MAP4K3: variants seen among roughly 807,000 people sequenced by gnomAD.
MAP4K3 encodes the protein mitogen-activated protein kinase kinase kinase kinase 3.
MAP4K3 carries 94 observed loss-of-function variants against 143.5 expected under a neutral mutation model. The observed-to-expected ratio is 0.65, with a 90% confidence interval of 0.55 to 0.78. The LOEUF (loss-of-function observed/expected upper bound fraction) is 0.78. Among genes scored for constraint, MAP4K3 ranks in the 30% least tolerant of loss-of-function variants. The pLI is 0.00. For missense variants in MAP4K3, 1,077 were observed against 1,068.1 expected, an observed-to-expected ratio of 1.01 and a Z score of -0.12; for synonymous variants, 416 against 347.2, an observed-to-expected ratio of 1.20 and a Z score of -2.20.
At chr2:39,328,623 T>C (rs1212139199) in intron 8 of MAP4K3, among the ~76,000 whole-genome samples, 1 of 152,174 alleles carries the variant, frequency 6.6e-6, no homozygotes, top group Non-Finnish European at 1.5e-5. Flanking sequence ...AGTGTCAATG[T>C]GTTCTGGTGG....
In MAP4K3 at chr2:39,315,321, G is replaced by A. The variant is rs1683075760; in HGVS notation, c.986C>T (p.Ser329Leu). ...SRNVREEKTR[S>L]EITFGQVKFD... Reference sequence around the variant, plus strand: ...TAGTATATACTTACAGGTTATCTCTGAGCGTGTTTTTTCTTCTCTCACGTT... The same window carrying A: ...TAGTATATACTTACAGGTTATCTCTAAGCGTGTTTTTTCTTCTCTCACGTT... Residue 329 changes from serine (S) to leucine (L), a missense_variant, in exon 13 of 34, where the codon TCA becomes TTA. This residue lies in a region of MAP4K3 where 864 missense variants were observed against 801.2 expected (regional missense o/e 1.08). Coordinates refer to ENST00000263881, the MANE Select transcript of MAP4K3 (RefSeq NM_003618.4). 1 of 1,602,082 alleles carries A rather than the reference G, an allele frequency of 6.2e-7. No individual in the cohort carries two copies. The highest frequency in any genetic ancestry group is 1.3e-5 in the African/African-American group (1 of 74,666).
At position 39,331,995 on chromosome 2, in the gene MAP4K3, A is replaced by T. The variant is rs561365504; in HGVS notation, c.458-6T>A. The T allele has an allele frequency of 4.7e-6, 7 of 1,479,000 alleles. No homozygotes were observed. The highest frequency in any genetic ancestry group is 2.8e-5 in the African/African-American group (2 of 72,434). The allele number at this position is 1,479,000 out of a possible 1,614,324, so 91.6% of individuals were successfully genotyped here. A position where few individuals can be genotyped will look rare whatever the true frequency, so the allele number is the denominator to read the frequency against. ...TGCAGATACTCCAAAATCAGCTATT[A>T]AAAAAAATGAGAAACATTTAGGAAA... On this transcript the variant is annotated splice_polypyrimidine_tract_variant and splice_region_variant and intron_variant, in intron 7 of 33. Coordinates refer to ENST00000263881, the MANE Select transcript of MAP4K3 (RefSeq NM_003618.4).
At chr2:39,309,117 A>T (rs748643493) in intron 14 of MAP4K3, among the ~76,000 whole-genome samples, 20 of 152,148 alleles carry the variant, frequency 1.3e-4, no homozygotes, top group Non-Finnish European at 1.5e-4. Flanking sequence ...CACGATTTTA[A>T]AAAAAATTTT....
At chr2:39,341,568 A>T (rs538923763) in intron 4 of MAP4K3, among the ~76,000 whole-genome samples, 1 of 152,152 alleles carries the variant, frequency 6.6e-6, no homozygotes, top group South Asian at 2.1e-4. Flanking sequence ...AGGCAGGAGA[A>T]TCACTTGAAC....
At chr2:39,372,024 C>G (rs892136590) in intron 2 of MAP4K3, among the ~76,000 whole-genome samples, 2 of 151,472 alleles carry the variant, frequency 1.3e-5, no homozygotes, top group Non-Finnish European at 2.9e-5. Context: ...ATTATATGAT[C>G]TTATATTTGG....
At chr2:39,261,385 T>A (rs532831083) in intron 28 of MAP4K3, among the ~76,000 whole-genome samples, 68 of 152,106 alleles carry the variant, frequency 4.5e-4, no homozygotes, top group Non-Finnish European at 8.1e-4. Context: ...ACAAAAAAAA[T>A]AGATGGAAAA....
intron 1 of MAP4K3, among the ~76,000 whole-genome samples, chr2:39,406,403 T>G (rs911205234): frequency 3.3e-5 from 5 of 152,114 alleles, no homozygotes; most frequent in Non-Finnish European, 2.9e-5. Flanking sequence ...CCAGCAGATT[T>G]AACCCAAAGA....
At chr2:39,307,044 T>C (rs539444713) in intron 15 of MAP4K3, among the ~76,000 whole-genome samples, 98 of 152,364 alleles carry the variant, frequency 6.4e-4, no homozygotes, top group Middle Eastern at 3.4e-3. Context: ...AAATCTCTTT[T>C]ATATTTTACA....
At chr2:39,389,176 C>G (rs553444495) in intron 1 of MAP4K3, among the ~76,000 whole-genome samples, 3 of 151,602 alleles carry the variant, frequency 2.0e-5, no homozygotes, top group African/African-American at 7.3e-5. Flanking sequence ...GCAGACAGGA[C>G]AAAAAGAACA....
chr2:39,342,580 G>A (rs1386355996), intron 4 of MAP4K3, among the ~76,000 whole-genome samples: 1 of 151,902 alleles, frequency 6.6e-6, no homozygotes, highest in East Asian at 1.9e-4. Flanking sequence ...ATACTATTAT[G>A]TCAATCTTTA....
chr2:39,409,403 A>T (rs181401125), intron 1 of MAP4K3, among the ~76,000 whole-genome samples: 1 of 152,318 alleles, frequency 6.6e-6, no homozygotes, highest in East Asian at 1.9e-4. Flanking sequence ...TTGTTCAAGG[A>T]TCCACTCTAA....
chr2:39,297,620 C>A (rs1202594780), intron 16 of MAP4K3, among the ~76,000 whole-genome samples: 2 of 152,148 alleles, frequency 1.3e-5, no homozygotes, highest in African/African-American at 4.8e-5. Flanking sequence ...GGTAGAAACC[C>A]GTCAATGGAA....
In MAP4K3 at chr2:39,356,306, A is replaced by G. The variant is rs571386484; in HGVS notation, c.188T>C (p.Ile63Thr). 9.4e-6 allele frequency: 15 copies of G among 1,604,000 alleles called. No homozygotes were observed. Among genetic ancestry groups the G allele is most frequent in the Middle Eastern group, 3.3e-4 (2 of 6,040 alleles). ...EDFAVVQQEIIMMKDCKHPNI... is the reference protein window; with the variant it reads ...EDFAVVQQEITMMKDCKHPNI... ...TGGGTGTTTACAGTCTTTCATCATA[A>G]TAATTTCTTGCTGCACAACTGCAAA... The change falls in exon 3 of 34, where the codon ATT (isoleucine) becomes ACT (threonine). Residue 63 changes from isoleucine (I) to threonine (T), a missense_variant. Around this residue, in one of 2 missense-constraint regions of MAP4K3, gnomAD observed 213 missense variants for 266.8 expected, o/e 0.80. Coordinates refer to ENST00000263881, the MANE Select transcript of MAP4K3 (RefSeq NM_003618.4).
At chr2:39,385,551 CATATATATATATATATATATATATAT>C (rs140387430) in intron 1 of MAP4K3, among the ~76,000 whole-genome samples, 17 of 111,256 alleles carry the variant, frequency 1.5e-4, no homozygotes, top group African/African-American at 5.9e-4. Flanking sequence ...GAGCGTTCTT[CATATATATATATATATATATATATAT>C]ATATATATAT....
At chr2:39,329,414 T>C (rs1014457800) in intron 8 of MAP4K3, among the ~76,000 whole-genome samples, 24 of 152,056 alleles carry the variant, frequency 1.6e-4, no homozygotes, top group Admixed American at 9.2e-4. Flanking sequence ...AACAGAAGAA[T>C]AGTAAATGAT....
intron 28 of MAP4K3, among the ~76,000 whole-genome samples, chr2:39,261,758 C>T (rs1680577897): frequency 6.6e-6 from 1 of 151,980 alleles, no homozygotes; most frequent in Non-Finnish European, 1.5e-5. Context: ...ATAGCTATGT[C>T]CAGCAACTAT....
chr2:39,256,448 T>C (rs1212212453), intron 31 of MAP4K3, among the ~76,000 whole-genome samples: 1 of 152,166 alleles, frequency 6.6e-6, no homozygotes, highest in African/African-American at 2.4e-5. Flanking sequence ...AGAAGTATTA[T>C]TTAAAAAAAA....
chr2:39,362,060 A>G (rs1665786100), intron 2 of MAP4K3, among the ~76,000 whole-genome samples: 1 of 152,176 alleles, frequency 6.6e-6, no homozygotes, highest in Non-Finnish European at 1.5e-5. Flanking sequence ...TAATTCCAAT[A>G]AAAATGCCAG....
intron 22 of MAP4K3, among the ~76,000 whole-genome samples, chr2:39,282,272 C>T (rs554036404): frequency 2.0e-5 from 3 of 151,896 alleles, no homozygotes; most frequent in Admixed American, 2.0e-4. Context: ...CCAAGGTGGG[C>T]AGATCACTTG....
Sources: gnomAD v4.1 joint callset for allele counts (sites outside exome capture counted in the v4.1 genomes callset) on GRCh38, gnomAD v4.1.1 for gene constraint, gnomAD v4.1.1 regional missense constraint, MANE v1.5 for transcripts, NCBI Gene and HGNC (gene_info 2026-07-23, HGNC 2026-07-21) for gene names.